The following DGKB variants were observed in gnomAD, a reference collection of about 807,000 sequenced individuals.
The protein encoded by DGKB is diacylglycerol kinase beta, also known as 90 kDa diacylglycerol kinase.
Under a neutral mutation model 114.3 loss-of-function variants are expected in DGKB, and 67 were observed. That is an observed-to-expected ratio of 0.59 (90% CI 0.48 to 0.72). The LOEUF (loss-of-function observed/expected upper bound fraction) is 0.72. Among genes scored for constraint, DGKB ranks in the 30% least tolerant of loss-of-function variants. The pLI is 0.00. For synonymous variants in DGKB, 398 were observed against 323.1 expected, an observed-to-expected ratio of 1.23 and a Z score of -2.49; for missense variants, 907 against 975.2, an observed-to-expected ratio of 0.93 and a Z score of 0.93.
intron 23 of DGKB, among the ~76,000 whole-genome samples, chr7:14,310,714 G>T (rs6980003): frequency 0.22 from 33,290 of 152,038 alleles, 6,019 homozygotes; most frequent in African/African-American, 0.5. Context: ...AATAATACCA[G>T]GAACATATGA....
At chr7:14,360,448 G>GTA (rs112459240) in intron 21 of DGKB, among the ~76,000 whole-genome samples, 10,608 of 146,902 alleles carry the variant, frequency 0.072, 710 homozygotes, top group African/African-American at 0.18. Flanking sequence ...AGAACTTAAA[G>GTA]TATATATATA....
chr7:14,360,771 T>C (rs1041583859), intron 21 of DGKB, among the ~76,000 whole-genome samples: 2 of 152,020 alleles, frequency 1.3e-5, no homozygotes, highest in African/African-American at 4.8e-5. Flanking sequence ...AATCTCAAAA[T>C]GCAACATAGG....
At chr7:14,360,502 A>G (rs1241626870) in intron 21 of DGKB, among the ~76,000 whole-genome samples, 1 of 151,762 alleles carries the variant, frequency 6.6e-6, no homozygotes, top group African/African-American at 2.4e-5. Flanking sequence ...ATAGAGTTCA[A>G]CATATATTTA....
chr7:14,211,039 G>A (rs1787692311), intron 23 of DGKB, among the ~76,000 whole-genome samples: 1 of 152,012 alleles, frequency 6.6e-6, no homozygotes, highest in African/African-American at 2.4e-5. Flanking sequence ...CTTCCCCAGG[G>A]TGAAGGTGTT....
At position 14,148,846 on chromosome 7, in the gene DGKB, A is replaced by G. The variant is rs1781765912; in HGVS notation, c.*285T>C. The stretch of plus-strand genomic sequence containing the variant: ...ACAGGTTAGTAAAAGGAAATTGGGG[A>G]AGAGTTGGGTGGGAGATGTAAAAAT... On this transcript the variant is annotated 3_prime_UTR_variant, in exon 26 of 26. Coordinates refer to ENST00000402815, the MANE Select transcript of DGKB (RefSeq NM_001350709.2). 2.2e-5 allele frequency: 9 copies of G among 408,828 alleles called. No individual in the cohort carries two copies. The South Asian group carries it at 2.7e-4, about 12-fold the overall frequency. 25.3% of individuals were successfully genotyped at this position (408,828 alleles called of 1,614,324 possible).
chr7:14,307,733 G>C lies in DGKB; in HGVS notation c.2122+30782C>G, dbSNP rs543029566. Among the ~76,000 whole-genome samples the C allele has an allele frequency of 4.3e-4, 66 of 152,290 alleles. 2 individuals carry two copies. In the South Asian group the frequency reaches 0.013, roughly 30 times the overall value. On this transcript the variant is annotated intron_variant, in intron 23 of 25. Coordinates refer to ENST00000402815, the MANE Select transcript of DGKB (RefSeq NM_001350709.2). ...TCACTTATACATTGCTAAGTATATA[G>C]TGTGATTTTCCCTGAACACAGAATT...
chr7:14,323,292 A>G (rs989355674), intron 23 of DGKB, among the ~76,000 whole-genome samples: 2 of 152,164 alleles, frequency 1.3e-5, no homozygotes, highest in Non-Finnish European at 1.5e-5. Flanking sequence ...CAAGTGAACT[A>G]GGGGTTTCTG....
intron 13 of DGKB, among the ~76,000 whole-genome samples, chr7:14,643,492 T>C (rs1443877842): frequency 1.3e-5 from 2 of 152,124 alleles, no homozygotes; most frequent in African/African-American, 2.4e-5. Flanking sequence ...TCCACATCCA[T>C]AGTATTCCAC....
At chr7:14,918,103 A>C (rs1191176805) in intron 1 of DGKB, among the ~76,000 whole-genome samples, 1 of 152,176 alleles carries the variant, frequency 6.6e-6, no homozygotes, top group South Asian at 2.1e-4. Flanking sequence ...AAATTCCCCT[A>C]TTTGATAAAG....
At chr7:14,460,591 G>A (rs542679847) in intron 21 of DGKB, among the ~76,000 whole-genome samples, 4 of 151,780 alleles carry the variant, frequency 2.6e-5, no homozygotes, top group African/African-American at 4.8e-5. Context: ...ACAGGGGGAC[G>A]CAGATTCATA....
chr7:14,253,983 A>G (rs901327059), intron 23 of DGKB, among the ~76,000 whole-genome samples: 1 of 152,204 alleles, frequency 6.6e-6, no homozygotes, highest in Non-Finnish European at 1.5e-5. Context: ...CAACTAATAA[A>G]CATTTCCCTG....
At position 14,716,844 on chromosome 7, in the gene DGKB, T is replaced by C. The variant is rs566063379; in HGVS notation, c.466+1698A>G. 2.6e-5 allele frequency among the ~76,000 whole-genome samples: 4 copies of C among 152,274 alleles called. No individual in the cohort carries two copies. The South Asian group carries it at 6.2e-4, about 24-fold the overall frequency. On this transcript the variant is annotated intron_variant, in intron 6 of 25. Coordinates refer to ENST00000402815, the MANE Select transcript of DGKB (RefSeq NM_001350709.2). ...ATTAGAAGATAGGAGAAAAGAGACC[T>C]ACGGCATCATGTATTTTGAAGAGTT... is the stretch of plus-strand genomic sequence containing the variant.
intron 23 of DGKB, among the ~76,000 whole-genome samples, chr7:14,333,391 G>A (rs1465525331): frequency 2.0e-5 from 3 of 150,364 alleles, no homozygotes; most frequent in African/African-American, 7.4e-5. Flanking sequence ...AACCCGGGAG[G>A]TGGAGCTTGC....
chr7:14,498,095 T>C (rs909812205), intron 20 of DGKB, among the ~76,000 whole-genome samples: 5 of 151,918 alleles, frequency 3.3e-5, no homozygotes, highest in Admixed American at 6.6e-5. Context: ...GTTTTAAGTA[T>C]AGAAATATTT....
chr7:14,207,248 C>T (rs1786980577), intron 23 of DGKB, among the ~76,000 whole-genome samples: 1 of 152,046 alleles, frequency 6.6e-6, no homozygotes, highest in South Asian at 2.1e-4. Flanking sequence ...AGACTGTAAT[C>T]TATCAGAGTG....
At chr7:14,785,608 A>G (rs1339419871) in intron 2 of DGKB, among the ~76,000 whole-genome samples, 3 of 152,306 alleles carry the variant, frequency 2.0e-5, no homozygotes, top group South Asian at 4.1e-4. Context: ...ATTCAAGACC[A>G]CCTGCATCAA....
chr7:14,857,876 T>C (rs1168866947), intron 1 of DGKB, among the ~76,000 whole-genome samples: 2 of 152,178 alleles, frequency 1.3e-5, no homozygotes, highest in East Asian at 1.9e-4. Flanking sequence ...ACTTTTTTCA[T>C]ACCACATTCA....
chr7:14,371,029 C>CAT lies in DGKB; in HGVS notation c.1836-25640_1836-25639dup, dbSNP rs149121661. Among the ~76,000 whole-genome samples, 933 of 151,684 alleles carry CAT rather than the reference C, an allele frequency of 6.2e-3. 7 individuals are homozygous for CAT. Among genetic ancestry groups the CAT allele is most frequent in the African/African-American group, 0.014 (567 of 41,408 alleles). ...TTTATCACTGCATAGTATTCCTTGGCATATATATATATAACACATTTTCTT... is the reference window on the plus strand; with the variant it reads ...TTTATCACTGCATAGTATTCCTTGGCATATATATATATATAACACATTTTCTT... On this transcript the variant is annotated intron_variant, in intron 21 of 25. Coordinates refer to ENST00000402815, the MANE Select transcript of DGKB (RefSeq NM_001350709.2).
At chr7:14,734,573 T>C (rs1051880868) in intron 5 of DGKB, among the ~76,000 whole-genome samples, 1 of 152,210 alleles carries the variant, frequency 6.6e-6, no homozygotes, top group Non-Finnish European at 1.5e-5. Context: ...TAGCACCAGA[T>C]GTAATTTACC....
Sources: gnomAD v4.1 joint callset for allele counts (sites outside exome capture counted in the v4.1 genomes callset) on GRCh38, gnomAD v4.1.1 for gene constraint, MANE v1.5 for transcripts, NCBI Gene and HGNC (gene_info 2026-07-23, HGNC 2026-07-21) for gene names.